Variants in SRPK2 observed in about 807,000 individuals in gnomAD.
SRPK2 encodes SFRS protein kinase 2.
Under a neutral mutation model 90.8 loss-of-function variants are expected in SRPK2, and 21 were observed. The observed-to-expected ratio is 0.23, with a 90% CI of 0.16 to 0.33. The LOEUF (loss-of-function observed/expected upper bound fraction) is 0.33. SRPK2 is among the 10% of genes least tolerant of loss of function. SRPK2 has a pLI of 1.00. For synonymous variants in SRPK2, 288 were observed against 311.1 expected (o/e 0.93, Z 0.78); for missense variants, 620 against 869.0 (o/e 0.71, Z 3.60).
chr7:105,126,878 G>T, intron 14 of SRPK2, 115 bp downstream of exon 14: 1 of 981,278 alleles, frequency 1.0e-6, no homozygotes, highest in Non-Finnish European at 1.6e-6. Flanking sequence ...ATCTGAATTT[G>T]GTGTTTGAAA....
chr7:105,170,952 AAAG>A (rs1790968138), intron 3 of SRPK2, among the ~76,000 whole-genome samples: 1 of 40,768 alleles, frequency 2.5e-5, no homozygotes, highest in Non-Finnish European at 7.1e-5. Flanking sequence ...AGAAAGAAAG[AAAG>A]AAAGAAAGAA....
intron 2 of SRPK2, among the ~76,000 whole-genome samples, chr7:105,249,494 A>AG (rs915025676): frequency 3.3e-5 from 5 of 151,942 alleles, no homozygotes; most frequent in African/African-American, 1.2e-4. Flanking sequence ...CTTAAAGAAC[A>AG]GAAAAAAAAA....
rs951443532 is a variant in SRPK2 at position 105,385,443 on chromosome 7, T to G, written c.71+3205A>C. Among the ~76,000 whole-genome samples, 10 of 152,172 alleles carry G rather than the reference T, an allele frequency of 6.6e-5. No homozygotes were observed. The South Asian group carries it at 2.1e-3, about 32-fold the overall frequency. ...CGCCCGCCTCGGCCTCCCAAAGTGC[T>G]GGGATTACAGGCGTGAGCCACCGCG... On this transcript the variant is annotated intron_variant, in intron 2 of 15. Coordinates refer to ENST00000393651, the MANE Select transcript of SRPK2 (RefSeq NM_182692.3).
intron 2 of SRPK2, among the ~76,000 whole-genome samples, chr7:105,211,139 G>C (rs1430216935): frequency 6.6e-6 from 1 of 152,178 alleles, no homozygotes; most frequent in African/African-American, 2.4e-5. Context: ...TAAGGGTGCA[G>C]TAATTTGTTA....
intron 3 of SRPK2, among the ~76,000 whole-genome samples, chr7:105,172,195 A>G (rs1791247708): frequency 6.6e-6 from 1 of 152,192 alleles, no homozygotes; most frequent in Non-Finnish European, 1.5e-5. Flanking sequence ...CGCCCAGCCT[A>G]CAATACAGTT....
intron 8 of SRPK2, 95 bp downstream of exon 8, chr7:105,146,398 T>C (rs1231915796): frequency 1.2e-5 from 16 of 1,309,742 alleles, no homozygotes; most frequent in African/African-American, 1.5e-5. Flanking sequence ...AAATCTTCCT[T>C]ATGTGTAACG....
intron 7 of SRPK2, chr7:105,160,301 G>C: frequency 2.8e-6 from 1 of 352,626 alleles, no homozygotes; most frequent in Middle Eastern, 7.7e-4. Context: ...ATTACATGTT[G>C]TTCCCTTCAC....
chr7:105,270,726 T>C (rs951601546), intron 2 of SRPK2, among the ~76,000 whole-genome samples: 13 of 152,134 alleles, frequency 8.5e-5, no homozygotes, highest in African/African-American at 3.1e-4. Context: ...CCATTTTTAA[T>C]AGCTGTATGA....
intron 2 of SRPK2, among the ~76,000 whole-genome samples, chr7:105,318,722 C>A (rs1018099016): frequency 6.6e-6 from 1 of 152,154 alleles, no homozygotes; most frequent in East Asian, 1.9e-4. Flanking sequence ...TCTCACCATC[C>A]CCTTTGAGAA....
At chr7:105,343,038 A>G (rs939710171) in intron 2 of SRPK2, among the ~76,000 whole-genome samples, 1 of 152,234 alleles carries the variant, frequency 6.6e-6, no homozygotes, top group African/African-American at 2.4e-5. Flanking sequence ...AAGTTAAATA[A>G]AAGTTTGCAG....
At chr7:105,147,393 C>T (rs910389274) in intron 7 of SRPK2, among the ~76,000 whole-genome samples, 1 of 152,218 alleles carries the variant, frequency 6.6e-6, no homozygotes, top group East Asian at 1.9e-4. Context: ...TCTTGGCTCA[C>T]TGCAACCTCC....
At chr7:105,315,718 T>C (rs1812231670) in intron 2 of SRPK2, among the ~76,000 whole-genome samples, 1 of 152,246 alleles carries the variant, frequency 6.6e-6, no homozygotes. Flanking sequence ...TCAAGCTAAA[T>C]ATTACACACG....
At chr7:105,262,720 A>T (rs1420332623) in intron 2 of SRPK2, among the ~76,000 whole-genome samples, 2 of 152,164 alleles carry the variant, frequency 1.3e-5, no homozygotes, top group Non-Finnish European at 2.9e-5. Flanking sequence ...AGGAACGCTC[A>T]TGTTCAGAAA....
chr7:105,207,206 A>G (rs1460463082), intron 2 of SRPK2, among the ~76,000 whole-genome samples: 1 of 152,214 alleles, frequency 6.6e-6, no homozygotes, highest in Non-Finnish European at 1.5e-5. Flanking sequence ...GTGCATCCAC[A>G]GCTCACTGCA....
At chr7:105,165,410 G>A (rs1032820469) in intron 6 of SRPK2, among the ~76,000 whole-genome samples, 2 of 152,200 alleles carry the variant, frequency 1.3e-5, no homozygotes, top group African/African-American at 2.4e-5. Flanking sequence ...TTCCTGGGTC[G>A]AGTGGGGACT....
intron 2 of SRPK2, among the ~76,000 whole-genome samples, chr7:105,321,343 C>A (rs1300982909): frequency 6.6e-6 from 1 of 152,118 alleles, no homozygotes; most frequent in Non-Finnish European, 1.5e-5. Context: ...GACAAACAAC[C>A]TACATAAGAG....
chr7:105,315,783 T>C (rs1195086699), intron 2 of SRPK2, among the ~76,000 whole-genome samples: 1 of 152,230 alleles, frequency 6.6e-6, no homozygotes, highest in Non-Finnish European at 1.5e-5. Flanking sequence ...CAAATATTCA[T>C]GGTGAACAAA....
intron 6 of SRPK2, among the ~76,000 whole-genome samples, chr7:105,162,845 C>T (rs976358003): frequency 1.3e-5 from 2 of 152,204 alleles, no homozygotes; most frequent in Non-Finnish European, 2.9e-5. Context: ...CCCACTAGAA[C>T]GTATATTTCA....
intron 2 of SRPK2, among the ~76,000 whole-genome samples, chr7:105,369,889 T>C (rs528857345): frequency 1.3e-5 from 2 of 152,056 alleles, no homozygotes; most frequent in Non-Finnish European, 2.9e-5. Flanking sequence ...TAGCCAGGCG[T>C]GGTGGCGCAT....
Sources: gnomAD v4.1 joint callset for allele counts (sites outside exome capture counted in the v4.1 genomes callset) on GRCh38, gnomAD v4.1.1 for gene constraint, MANE v1.5 for transcripts, NCBI Gene and HGNC (gene_info 2026-07-23, HGNC 2026-07-21) for gene names.